The following ACSM5 variants were observed in gnomAD, a reference collection of about 807,000 sequenced individuals.
The protein encoded by ACSM5 is acyl-coenzyme A synthetase ACSM5, mitochondrial.
A neutral mutation model predicts 71.6 loss-of-function variants in ACSM5; 56 were observed. That is an observed-to-expected ratio of 0.78 (90% CI 0.63 to 0.98). The LOEUF (loss-of-function observed/expected upper bound fraction) is 0.98, where lower values mean the gene tolerates loss of function less well. Among genes scored for constraint, ACSM5 ranks in the 50% least tolerant of loss-of-function variants. The pLI is 0.00. For missense variants in ACSM5, 723 were observed against 726.0 expected (o/e 1.00, Z 0.05); for synonymous variants, 285 against 281.5 (o/e 1.01, Z -0.12).
At chr16:20,418,028 T>G in intron 2 of ACSM5, 31 bp from the exon 3 acceptor site, 1 of 1,574,542 alleles carries the variant, frequency 6.4e-7, no homozygotes. Flanking sequence ...ATAAATTGCT[T>G]CTTTTTTTTT....
intron 7 of ACSM5, among the ~76,000 whole-genome samples, chr16:20,428,963 T>G (rs1967043019): frequency 1.3e-5 from 2 of 151,860 alleles, no homozygotes; most frequent in Admixed American, 1.3e-4. Context: ...AATTTTTATC[T>G]TTTCCATTTT....
chr16:20,432,429 G>A (rs1685787972), intron 10 of ACSM5, among the ~76,000 whole-genome samples: 1 of 152,038 alleles, frequency 6.6e-6, no homozygotes, highest in African/African-American at 2.4e-5. Flanking sequence ...GCATTTTAGT[G>A]GTTTTTCTGT....
Position 20,437,378 on chromosome 16 carries a change from C to A in ACSM5, c.1536+11C>A, listed in dbSNP as rs753358882. On this transcript the variant is annotated intron_variant, in intron 12 of 13. Transcript: ENST00000331849. ...CCCATCAGGGGAGAGGTAACCAGTG[C>A]ACCCAAGAACATGGCCTCCTGCTTC... 1.3e-6 allele frequency: 2 copies of A among 1,579,818 alleles called. No homozygotes were observed. The highest frequency in any genetic ancestry group is 1.7e-6 in the Non-Finnish European group (2 of 1,149,470).
intron 10 of ACSM5, among the ~76,000 whole-genome samples, chr16:20,435,842 C>T (rs1967180849): frequency 6.6e-6 from 1 of 152,012 alleles, no homozygotes; most frequent in Admixed American, 6.6e-5. Context: ...ATCAGAGTTT[C>T]ATTGTTTTTC....
intron 6 of ACSM5, among the ~76,000 whole-genome samples, chr16:20,425,295 G>C (rs368149553): frequency 3.3e-5 from 5 of 152,072 alleles, no homozygotes; most frequent in African/African-American, 1.2e-4. Flanking sequence ...ATGATCTCCA[G>C]TTCCATCCAT....
chr16:20,427,018 G>A (rs557736592), intron 6 of ACSM5, among the ~76,000 whole-genome samples: 1 of 150,012 alleles, frequency 6.7e-6, no homozygotes, highest in Non-Finnish European at 1.5e-5. Context: ...AAAGTTCACT[G>A]GTGGCCGGGC....
intron 12 of ACSM5, among the ~76,000 whole-genome samples, chr16:20,438,368 A>G (rs1967244327): frequency 6.6e-6 from 1 of 151,916 alleles, no homozygotes. Flanking sequence ...CTTGTTTAAA[A>G]TATAGATTTG....
intron 6 of ACSM5, among the ~76,000 whole-genome samples, chr16:20,427,214 T>C (rs1276287353): frequency 2.6e-5 from 4 of 151,980 alleles, no homozygotes; most frequent in Admixed American, 2.0e-4. Context: ...GGCAGAGAAT[T>C]GCTTGAACCC....
At chr16:20,434,791 T>C (rs1205771507) in intron 10 of ACSM5, among the ~76,000 whole-genome samples, 1 of 152,236 alleles carries the variant, frequency 6.6e-6, no homozygotes, top group Non-Finnish European at 1.5e-5. Flanking sequence ...TCTGTACTGA[T>C]ACCATAAAGT....
At chr16:20,429,514 G>A (rs1290286143) in intron 7 of ACSM5, among the ~76,000 whole-genome samples, 164 bp from the exon 8 acceptor site, 1 of 152,098 alleles carries the variant, frequency 6.6e-6, no homozygotes, top group East Asian at 1.9e-4. Flanking sequence ...TGTCCATGAG[G>A]AGCATGGTTG....
intron 2 of ACSM5, among the ~76,000 whole-genome samples, chr16:20,412,607 C>G (rs572571528): frequency 1.6e-3 from 246 of 152,252 alleles, no homozygotes; most frequent in Middle Eastern, 3.4e-3. Context: ...AGACATACTT[C>G]TAAAACTGTA....
intron 6 of ACSM5, 49 bp downstream of exon 6, chr16:20,424,118 A>G: frequency 6.3e-7 from 1 of 1,599,762 alleles, no homozygotes; most frequent in South Asian, 1.1e-5. Context: ...TACAAATGAG[A>G]TGAGTGGGAT....
At chr16:20,421,650 T>TAC (rs1567342536) in intron 5 of ACSM5, among the ~76,000 whole-genome samples, 2 of 96,630 alleles carry the variant, frequency 2.1e-5, no homozygotes, top group African/African-American at 8.0e-5. Context: ...TATATATATA[T>TAC]ATATATACAC....
At chr16:20,411,833 T>A in intron 2 of ACSM5, 145 bp downstream of exon 2, 1 of 827,856 alleles carries the variant, frequency 1.2e-6, no homozygotes. Context: ...CTGTTGGCAT[T>A]TGAGACTTAG....
chr16:20,410,282 A>G (rs1482102449), intron 1 of ACSM5, among the ~76,000 whole-genome samples: 1 of 152,168 alleles, frequency 6.6e-6, no homozygotes, highest in Non-Finnish European at 1.5e-5. Flanking sequence ...AAGGAAACTG[A>G]AACTGAGGTC....
At chr16:20,425,310 C>T (rs1203447347) in intron 6 of ACSM5, among the ~76,000 whole-genome samples, 3 of 152,148 alleles carry the variant, frequency 2.0e-5, no homozygotes, top group Admixed American at 6.6e-5. Context: ...ATCCATGTTG[C>T]AGCAAATGAC....
At chr16:20,435,630 G>C (rs1053848712) in intron 10 of ACSM5, among the ~76,000 whole-genome samples, 7 of 152,102 alleles carry the variant, frequency 4.6e-5, no homozygotes, top group Non-Finnish European at 1.0e-4. Context: ...CTCCACTCCA[G>C]ACCCAGCGAT....
intron 1 of ACSM5, among the ~76,000 whole-genome samples, chr16:20,410,466 C>A (rs952900022): frequency 6.6e-6 from 1 of 152,186 alleles, no homozygotes; most frequent in African/African-American, 2.4e-5. Context: ...CACAGTGGCT[C>A]ACATCTGTAA....
At chr16:20,414,133 G>A (rs1432817702) in intron 2 of ACSM5, among the ~76,000 whole-genome samples, 4 of 152,028 alleles carry the variant, frequency 2.6e-5, no homozygotes, top group Admixed American at 6.6e-5. Context: ...TACAAGATAC[G>A]CAAAGAAACT....
Sources: gnomAD v4.1 joint callset for allele counts (sites outside exome capture counted in the v4.1 genomes callset) on GRCh38, gnomAD v4.1.1 for gene constraint, MANE v1.5 for transcripts, NCBI Gene and HGNC (gene_info 2026-07-23, HGNC 2026-07-21) for gene names.